HS6ST3: variants seen among roughly 807,000 people sequenced by gnomAD.
HS6ST3 encodes the protein heparan sulfate 6-O-sulfotransferase 3.
HS6ST3 carries 12 observed loss-of-function variants against 36.7 expected under a neutral mutation model. That is an observed-to-expected ratio of 0.33 (90% CI 0.21 to 0.53). The LOEUF (loss-of-function observed/expected upper bound fraction) is 0.53. Among genes scored for constraint, HS6ST3 ranks in the 20% least tolerant of loss-of-function variants. HS6ST3 has a pLI of 0.95. For synonymous variants in HS6ST3, 240 were observed against 257.5 expected (o/e 0.93, Z 0.65); for missense variants, 584 against 640.9 (o/e 0.91, Z 0.96).
intron 1 of HS6ST3, among the ~76,000 whole-genome samples, chr13:96,732,066 C>A (rs1413152422): frequency 2.0e-5 from 3 of 152,184 alleles, no homozygotes; most frequent in African/African-American, 7.2e-5. Context: ...CTTGCTAATA[C>A]TTGTTATCTT....
At chr13:96,511,048 T>C (rs1270539614) in intron 1 of HS6ST3, among the ~76,000 whole-genome samples, 1 of 152,240 alleles carries the variant, frequency 6.6e-6, no homozygotes, top group Admixed American at 6.5e-5. Flanking sequence ...AAAGGGCCTA[T>C]TGATAATTAC....
chr13:96,719,008 C>T (rs1450142068), intron 1 of HS6ST3, among the ~76,000 whole-genome samples: 2 of 152,166 alleles, frequency 1.3e-5, no homozygotes, highest in African/African-American at 2.4e-5. Context: ...GTCATGGTGG[C>T]TGACGCCTGT....
chr13:96,140,080 T>C (rs536850489), intron 1 of HS6ST3, among the ~76,000 whole-genome samples: 74 of 152,200 alleles, frequency 4.9e-4, no homozygotes, highest in Non-Finnish European at 8.4e-4. Flanking sequence ...GATGAATATA[T>C]AAAATACAGA....
intron 1 of HS6ST3, among the ~76,000 whole-genome samples, chr13:96,297,752 C>G (rs944175398): frequency 6.6e-6 from 1 of 152,126 alleles, no homozygotes; most frequent in African/African-American, 2.4e-5. Flanking sequence ...GTATGCAATG[C>G]CCATGTCCTC....
chr13:96,283,825 C>T (rs1054298346), intron 1 of HS6ST3, among the ~76,000 whole-genome samples: 2 of 152,086 alleles, frequency 1.3e-5, no homozygotes, highest in East Asian at 1.9e-4. Flanking sequence ...TGACGCAGTT[C>T]GTCCATAGCG....
At chr13:96,145,031 T>G (rs987966036) in intron 1 of HS6ST3, among the ~76,000 whole-genome samples, 3 of 149,106 alleles carry the variant, frequency 2.0e-5, no homozygotes, top group African/African-American at 7.4e-5. Context: ...CCACATTTTC[T>G]TAATCCAGTC....
intron 1 of HS6ST3, among the ~76,000 whole-genome samples, chr13:96,446,173 A>C (rs1417099007): frequency 8.7e-6 from 1 of 115,030 alleles, no homozygotes; most frequent in Non-Finnish European, 1.8e-5. Flanking sequence ...ACTCCATCTC[A>C]AAAAAAAAAA....
intron 1 of HS6ST3, among the ~76,000 whole-genome samples, chr13:96,753,711 A>G (rs1475505563): frequency 6.6e-6 from 1 of 152,168 alleles, no homozygotes; most frequent in African/African-American, 2.4e-5. Flanking sequence ...ATGTAACTGC[A>G]CAAGCAAGGA....
At chr13:96,467,913 A>C in intron 1 of HS6ST3, among the ~76,000 whole-genome samples, 1 of 152,192 alleles carries the variant, frequency 6.6e-6, no homozygotes, top group East Asian at 1.9e-4. Context: ...TGTGAAATAA[A>C]GCAGAGTACA....
intron 1 of HS6ST3, among the ~76,000 whole-genome samples, chr13:96,625,841 T>C (rs1401251495): frequency 7.0e-6 from 1 of 142,088 alleles, no homozygotes; most frequent in African/African-American, 2.5e-5. Context: ...ATTCTTCTTC[T>C]TTTTTTTTTT....
intron 1 of HS6ST3, among the ~76,000 whole-genome samples, chr13:96,639,355 T>TTA (rs1376049072): frequency 2.0e-5 from 3 of 152,014 alleles, no homozygotes; most frequent in Non-Finnish European, 4.4e-5. Flanking sequence ...ACTCAGGTTC[T>TTA]ATTTTTGTTA....
intron 1 of HS6ST3, among the ~76,000 whole-genome samples, chr13:96,426,178 G>A (rs922950979): frequency 6.6e-5 from 10 of 151,838 alleles, no homozygotes; most frequent in Admixed American, 4.6e-4. Flanking sequence ...TTCAGGCAGG[G>A]GTCTCGTCAA....
At chr13:96,727,126 C>A (rs542372387) in intron 1 of HS6ST3, among the ~76,000 whole-genome samples, 1 of 152,192 alleles carries the variant, frequency 6.6e-6, no homozygotes, top group Non-Finnish European at 1.5e-5. Context: ...TTACTCAGCA[C>A]CTAATATTAT....
chr13:96,244,287 A>G (rs1396308160), intron 1 of HS6ST3, among the ~76,000 whole-genome samples: 1 of 152,172 alleles, frequency 6.6e-6, no homozygotes, highest in Admixed American at 6.5e-5. Flanking sequence ...GGTGTACTGA[A>G]TAGGAAAGAA....
At chr13:96,247,056 A>C (rs1318792150) in intron 1 of HS6ST3, among the ~76,000 whole-genome samples, 1 of 152,156 alleles carries the variant, frequency 6.6e-6, no homozygotes, top group Non-Finnish European at 1.5e-5. Context: ...TTTGTATTTT[A>C]TTACACCCTG....
chr13:96,141,708 A>G (rs560828344), intron 1 of HS6ST3, among the ~76,000 whole-genome samples: 19 of 152,232 alleles, frequency 1.2e-4, no homozygotes, highest in African/African-American at 3.9e-4. Context: ...TGAAGGTTCC[A>G]AAGTGATCGA....
At chr13:96,715,574 T>C (rs1875674540) in intron 1 of HS6ST3, among the ~76,000 whole-genome samples, 1 of 152,166 alleles carries the variant, frequency 6.6e-6, no homozygotes, top group Non-Finnish European at 1.5e-5. Context: ...CCTTAGACTT[T>C]CTTTCATTTT....
intron 1 of HS6ST3, among the ~76,000 whole-genome samples, chr13:96,608,517 G>A (rs1053773995): frequency 2.0e-5 from 3 of 152,196 alleles, no homozygotes; most frequent in Non-Finnish European, 4.4e-5. Flanking sequence ...GCTATTGAGA[G>A]GACAAAGGAA....
intron 1 of HS6ST3, among the ~76,000 whole-genome samples, chr13:96,447,510 A>G (rs1043989452): frequency 2.0e-5 from 3 of 152,228 alleles, no homozygotes; most frequent in Non-Finnish European, 2.9e-5. Flanking sequence ...CACCTTTGAC[A>G]TGCAAATGCT....
Sources: gnomAD v4.1 joint callset for allele counts (sites outside exome capture counted in the v4.1 genomes callset) on GRCh38, gnomAD v4.1.1 for gene constraint, MANE v1.5 for transcripts, NCBI Gene and HGNC (gene_info 2026-07-23, HGNC 2026-07-21) for gene names.